Variants in KAT14 observed in about 807,000 individuals in gnomAD.
KAT14 encodes the protein lysine acetyltransferase 14, also known as cysteine-rich protein 2-binding protein.
A neutral mutation model predicts 78.4 loss-of-function variants in KAT14; 66 were observed. That is an observed-to-expected ratio of 0.84 (90% CI 0.69 to 1.03). The LOEUF (loss-of-function observed/expected upper bound fraction) is 1.03, where lower values mean the gene tolerates loss of function less well. KAT14 is among the 50% of genes least tolerant of loss of function. KAT14 has a pLI of 0.00. For missense variants in KAT14, 870 were observed against 972.5 expected, an observed-to-expected ratio of 0.89 and a Z score of 1.40; for synonymous variants, 344 against 359.4, an observed-to-expected ratio of 0.96 and a Z score of 0.48.
At chr20:18,176,890 G>A (rs79161110) in intron 7 of KAT14, among the ~76,000 whole-genome samples, 1 of 152,236 alleles carries the variant, frequency 6.6e-6, no homozygotes, top group African/African-American at 2.4e-5. Context: ...TGTAAGAGTG[G>A]GAGCAGAGAG....
chr20:18,151,521 C>G (rs1305078140), intron 4 of KAT14, among the ~76,000 whole-genome samples: 1 of 150,824 alleles, frequency 6.6e-6, no homozygotes, highest in Non-Finnish European at 1.5e-5. Context: ...AGACAGGGGT[C>G]TCGTGTTGTC....
chr20:18,179,470 C>G (rs1215212514), intron 7 of KAT14, among the ~76,000 whole-genome samples: 2 of 152,242 alleles, frequency 1.3e-5, no homozygotes, highest in African/African-American at 2.4e-5. Flanking sequence ...AACCTCAATT[C>G]TGGACTTCTG....
At chr20:18,157,685 T>C (rs903162480) in intron 4 of KAT14, among the ~76,000 whole-genome samples, 2 of 152,178 alleles carry the variant, frequency 1.3e-5, no homozygotes, top group Non-Finnish European at 2.9e-5. Context: ...AAATACTTCA[T>C]ATATGTAGAA....
At position 18,165,480 on chromosome 20, in the gene KAT14, C is replaced by T. The variant is rs554850321; in HGVS notation, c.1668+2535C>T. On this transcript the variant is annotated intron_variant, in intron 7 of 10. Transcript: ENST00000688188. ...AGCACCAGGAGCTAAGAGAAGGGCACAGAACAAATTCTCCCCTAGTGCGTA... is the reference window on the plus strand; with the variant it reads ...AGCACCAGGAGCTAAGAGAAGGGCATAGAACAAATTCTCCCCTAGTGCGTA... Among the ~76,000 whole-genome samples, 212 of 152,286 alleles carry T rather than the reference C, an allele frequency of 1.4e-3. 2 individuals are homozygous for T. The highest frequency in any genetic ancestry group is 3.7e-3 in the African/African-American group (153 of 41,554).
At chr20:18,151,667 A>G (rs1378303366) in intron 4 of KAT14, among the ~76,000 whole-genome samples, 2 of 151,974 alleles carry the variant, frequency 1.3e-5, no homozygotes, top group African/African-American at 4.8e-5. Context: ...GCAATTACGA[A>G]AATTTTTGAA....
chr20:18,156,698 T>G (rs552630647), intron 4 of KAT14, among the ~76,000 whole-genome samples: 2 of 152,336 alleles, frequency 1.3e-5, no homozygotes, highest in African/African-American at 4.8e-5. Flanking sequence ...CTAGCTTCTG[T>G]TAGCCACAGG....
At chr20:18,184,825 T>C in intron 10 of KAT14, 33 bp downstream of exon 10, 1 of 1,572,718 alleles carries the variant, frequency 6.4e-7, no homozygotes, top group Non-Finnish European at 8.6e-7. Flanking sequence ...TTATCACCTG[T>C]GTCTGGGCTC....
chr20:18,145,312 C>T lies in KAT14; in HGVS notation c.339C>T (p.Gly113=). ...RFTCSDCSAD[G]KEQYERLKLT... ...CTTGTTCGGATTGCTCAGCAGATGG[C>T]AAGGAGCAGTATGAAAGGCTGAAGC... Residue 113 remains glycine (G), a synonymous_variant, in exon 3 of 11, where the codon GGC becomes GGT. Transcript: ENST00000688188. 1.9e-6 allele frequency: 3 copies of T among 1,614,130 alleles called. No individual in the cohort carries two copies. Among genetic ancestry groups the T allele is most frequent in the Non-Finnish European group, 2.5e-6 (3 of 1,180,024 alleles).
At chr20:18,146,719 C>T (rs1236799760) in intron 3 of KAT14, among the ~76,000 whole-genome samples, 3 of 151,874 alleles carry the variant, frequency 2.0e-5, no homozygotes, top group Non-Finnish European at 2.9e-5. Flanking sequence ...GTGGTGCACT[C>T]CTGTGGTCCC....
At chr20:18,160,524 T>A (rs1259605276) in intron 5 of KAT14, among the ~76,000 whole-genome samples, 3 of 152,254 alleles carry the variant, frequency 2.0e-5, no homozygotes, top group Non-Finnish European at 4.4e-5. Context: ...AATTATGTGA[T>A]AATTTGTTAA....
rs1457522273 is a variant in KAT14 at position 18,139,208 on chromosome 20, A to G, written c.-454+1157A>G. Among the ~76,000 whole-genome samples the G allele has an allele frequency of 2.0e-5, 3 of 152,168 alleles. No individual in the cohort carries two copies. The East Asian group carries it at 5.8e-4, about 29-fold the overall frequency. ...TTAACAATGAAAGGGCACAGGAGAG[A>G]TCAGAGATTTGGGATTAAAATGTGC... is the stretch of plus-strand genomic sequence containing the variant. On this transcript the variant is annotated intron_variant, in intron 1 of 10. Transcript: ENST00000688188.
intron 10 of KAT14, among the ~76,000 whole-genome samples, chr20:18,185,842 C>T (rs1351212803): frequency 6.6e-6 from 1 of 152,182 alleles, no homozygotes; most frequent in African/African-American, 2.4e-5. Context: ...TGGCAGGAAC[C>T]TTGGAACCAT....
chr20:18,172,401 C>CT (rs34582219), intron 7 of KAT14, among the ~76,000 whole-genome samples: 1,993 of 129,304 alleles, frequency 0.015, 13 homozygotes, highest in Middle Eastern at 0.021. Flanking sequence ...CGCCTGGCCA[C>CT]TTTTTTTTTT....
At chr20:18,149,258 A>G (rs2037949234) in intron 3 of KAT14, among the ~76,000 whole-genome samples, 1 of 152,348 alleles carries the variant, frequency 6.6e-6, no homozygotes, top group Non-Finnish European at 1.5e-5. Context: ...TGTACAGTGC[A>G]GTGGAATTAA....
In KAT14 at chr20:18,183,187, A is replaced by T; in HGVS notation, c.1870A>T (p.Arg624Trp). 1 of 1,614,120 alleles carries T rather than the reference A, an allele frequency of 6.2e-7. No homozygotes were observed. ...GTCACAGATTCGTTCCCACCTGCAC[A>T]GGAGCGACCCTCACTGGACGCCGGA... ...LLSQIRSHLH[R>W]SDPHWTPEPD... The change falls in exon 9 of 11, where the codon AGG becomes TGG. Residue 624 changes from arginine to tryptophan, a missense_variant. Physicochemically the swap from Arg to Trp is moderately radical, Grantham distance 101 (BLOSUM62 -3). Transcript: ENST00000688188.
rs2038324836 is a variant in KAT14, at chr20:18,159,103, T to A, written c.520T>A (p.Trp174Arg). The A allele has an allele frequency of 6.8e-6, 11 of 1,608,512 alleles. No individual in the cohort carries two copies. Among genetic ancestry groups the A allele is most frequent in the Non-Finnish European group, 9.3e-6 (11 of 1,178,700 alleles). The change falls in exon 5 of 11, where the codon TGG (tryptophan) becomes AGG (arginine). Residue 174 changes from tryptophan to arginine, a missense_variant. Transcript: ENST00000688188. Reference protein sequence around the residue: ...LGNRKKTSTWWSTVAGCLSVG... With the variant: ...LGNRKKTSTWRSTVAGCLSVG... Reference sequence around the variant, plus strand: ...CTTTAGGAAAAAGACGTCTACCTGGTGGAGCACCGTGGCAGGTTGCCTCAG... The same window carrying A: ...CTTTAGGAAAAAGACGTCTACCTGGAGGAGCACCGTGGCAGGTTGCCTCAG...
At chr20:18,158,325 A>G (rs1399329223) in intron 4 of KAT14, among the ~76,000 whole-genome samples, 3 of 152,168 alleles carry the variant, frequency 2.0e-5, no homozygotes, top group African/African-American at 7.2e-5. Context: ...TGTTCCTCAG[A>G]ATGGTTTTCC....
chr20:18,148,212 A>G (rs77377518), intron 3 of KAT14, among the ~76,000 whole-genome samples: 5,101 of 152,256 alleles, frequency 0.034, 145 homozygotes, highest in African/African-American at 0.076. Context: ...TTGTAACACA[A>G]ATAGCATTTT....
chr20:18,145,167 G>A, intron 2 of KAT14, 66 bp from the exon 3 acceptor site: 16 of 1,561,724 alleles, frequency 1.0e-5, no homozygotes, highest in Non-Finnish European at 1.3e-5. Context: ...GTGATAAACG[G>A]ATTAAACCTT....
Sources: allele counts gnomAD v4.1 joint callset (sites outside exome capture counted in the v4.1 genomes callset), GRCh38; gene constraint gnomAD v4.1.1; transcripts MANE v1.5; gene names NCBI Gene and HGNC (gene_info 2026-07-23, HGNC 2026-07-21).